The following CLBA1 variants were observed in gnomAD, a reference collection of about 807,000 sequenced individuals.
CLBA1 encodes uncharacterized protein CLBA1.
In CLBA1, 30 loss-of-function variants were observed where a neutral mutation model predicts 28.8. The ratio of observed to expected loss-of-function variants is 1.04; its 90% CI spans 0.78 to 1.41. The LOEUF (loss-of-function observed/expected upper bound fraction) is 1.41, where lower values mean the gene tolerates loss of function less well. Among genes scored for constraint, CLBA1 ranks in the 40% most tolerant of loss-of-function variants. The probability of loss-of-function intolerance (pLI) is 0.00; values close to 1 mark genes in which losing one functional copy is unlikely to be tolerated. For synonymous variants in CLBA1, 160 were observed against 152.8 expected (o/e 1.05, Z -0.35); for missense variants, 451 against 412.3 (o/e 1.09, Z -0.81).
chr14:104,996,926 C>G (rs2140901210), downstream of CLBA1, among the ~76,000 whole-genome samples: 1 of 152,364 alleles, frequency 6.6e-6, no homozygotes, highest in Non-Finnish European at 1.5e-5. Flanking sequence ...GCACGTGCCC[C>G]TCTGTGGAAC....
chr14:104,995,591 A>G, downstream of CLBA1: 1 of 817,668 alleles, frequency 1.2e-6, no homozygotes, highest in Non-Finnish European at 1.5e-6. Flanking sequence ...CTGAAGTCTT[A>G]AGCAAGCAGC....
Position 104,986,821 on chromosome 14 carries a change from G to A in CLBA1, c.390G>A (p.Trp130Ter), listed in dbSNP as rs772243701. The change falls in exon 1 of 5, where the codon TGG becomes TGA. Residue 130 changes from tryptophan to a stop codon, truncating the protein, a stop_gained. Transcript: ENST00000547315. LOFTEE classifies it high-confidence loss of function. ...ACCAACCATGCCAGGGTGGACCTTGGGTGACAGGAACTTCTGCCGTCCCAC... is the reference window on the plus strand; with the variant it reads ...ACCAACCATGCCAGGGTGGACCTTGAGTGACAGGAACTTCTGCCGTCCCAC... ...SSHQPCQGGP[W>*]VTGTSAVPPS... is the part of the protein sequence containing the mutation. The A allele has an allele frequency of 6.2e-7, 1 of 1,613,278 alleles. No individual in the cohort carries two copies.
Position 104,994,606 on chromosome 14 carries a change from G to A in CLBA1, c.825G>A (p.Gly275=), listed in dbSNP as rs1452466934. The change falls in exon 5 of 5, where the codon GGG becomes GGA. Residue 275 remains glycine (G), a synonymous_variant. Transcript: ENST00000547315. Reference sequence around the variant, plus strand: ...CTGTCCTCTCATCTCAGCTCTCGGGGCCGCCTGGCAGCAAACAGGGGAGGC... The same window carrying A: ...CTGTCCTCTCATCTCAGCTCTCGGGACCGCCTGGCAGCAAACAGGGGAGGC... ...CKALIQTKLS[G]PPGSKQGRLM... 2 of 1,607,792 alleles carry A rather than the reference G, an allele frequency of 1.2e-6. No individual in the cohort carries two copies.
downstream of CLBA1, among the ~76,000 whole-genome samples, chr14:104,997,188 T>G (rs1900170395): frequency 6.6e-6 from 1 of 152,068 alleles, no homozygotes; most frequent in South Asian, 2.1e-4. Context: ...GACACTTCAG[T>G]AAAAGACAGA....
downstream of CLBA1, among the ~76,000 whole-genome samples, chr14:104,996,771 C>G (rs921483653): frequency 5.3e-5 from 8 of 152,170 alleles, no homozygotes; most frequent in African/African-American, 1.9e-4. Flanking sequence ...TCACTGTGCT[C>G]AAAGCTCAGA....
chr14:104,990,002 C>T (rs1051619325), intron 2 of CLBA1: 4 of 250,540 alleles, frequency 1.6e-5, no homozygotes, highest in Non-Finnish European at 3.4e-5. Flanking sequence ...CAGAAGGCCG[C>T]AACCAGCATT....
chr14:105,000,190 T>C (rs1428497875), downstream of CLBA1, among the ~76,000 whole-genome samples: 1 of 152,076 alleles, frequency 6.6e-6, no homozygotes, highest in African/African-American at 2.4e-5. Flanking sequence ...ATATCCAAAA[T>C]ACATAAGGAA....
chr14:105,000,022 A>G (rs962300498), downstream of CLBA1, among the ~76,000 whole-genome samples: 3 of 152,244 alleles, frequency 2.0e-5, no homozygotes, highest in Non-Finnish European at 4.4e-5. Context: ...TGTGATGTGC[A>G]GCTCTCGCAT....
At chr14:104,995,630 GC>G, downstream of CLBA1, 2 of 377,080 alleles carry the variant, frequency 5.3e-6, no homozygotes, top group Non-Finnish European at 7.3e-6. Flanking sequence ...TCCTGCCAAG[GC>G]CACACAGGGG....
Position 104,986,200 on chromosome 14 carries a change from G to T in CLBA1, c.-232G>T. 1 of 579,560 alleles carries T rather than the reference G, an allele frequency of 1.7e-6. No individual in the cohort carries two copies. Among genetic ancestry groups the T allele is most frequent in the Non-Finnish European group, 3.1e-6 (1 of 325,072 alleles). 35.9% of individuals were successfully genotyped at this position (579,560 alleles called of 1,614,324 possible). A position where few individuals can be genotyped will look rare whatever the true frequency, so the allele number is the denominator to read the frequency against. On this transcript the variant is annotated 5_prime_UTR_variant, in exon 1 of 5. In the 5' UTR this introduces an upstream ATG that the reference lacks. Coordinates refer to ENST00000547315, the MANE Select transcript of CLBA1 (RefSeq NM_174891.4). ...GGACTCCGCGCCCGCCTGCGTGGGA[G>T]GAAGCCAGGACTCCCGGGCGACCGG...
At position 104,995,178 on chromosome 14, in the gene CLBA1, A is replaced by C. The variant is rs1472355833; in HGVS notation, c.*419A>C. 5 of 989,028 alleles carry C rather than the reference A, an allele frequency of 5.1e-6. No homozygotes were observed. The highest frequency in any genetic ancestry group is 4.8e-6 in the Non-Finnish European group (4 of 832,586). The allele number at this position is 989,028 out of a possible 1,614,324, so 61.3% of individuals were successfully genotyped here. A position where few individuals can be genotyped will look rare whatever the true frequency, so the allele number is the denominator to read the frequency against. On this transcript the variant is annotated 3_prime_UTR_variant, in exon 5 of 5. Transcript: ENST00000547315. ...GGAAGGCACTGAAACGTCACCAGAG[A>C]GACAGCTGTTGAGACCGCTCAGAAA...
chr14:104,986,530 T>C lies in CLBA1; in HGVS notation c.99T>C (p.Asp33=). ...SLRVAPERLS[D]DSLEWRRTCP... ...GAGTGGCACCTGAGAGGCTGAGTGATGACAGTTTGGAATGGAGACGGACCT... is the reference window on the plus strand; with the variant it reads ...GAGTGGCACCTGAGAGGCTGAGTGACGACAGTTTGGAATGGAGACGGACCT... Residue 33 remains aspartate (D), a synonymous_variant, in exon 1 of 5, where the codon GAT becomes GAC. Coordinates refer to ENST00000547315, the MANE Select transcript of CLBA1 (RefSeq NM_174891.4). The C allele has an allele frequency of 6.2e-7, 1 of 1,613,856 alleles. No individual in the cohort carries two copies. Among genetic ancestry groups the C allele is most frequent in the Non-Finnish European group, 8.5e-7 (1 of 1,180,000 alleles).
At chr14:105,000,046 A>G (rs1303388736), downstream of CLBA1, among the ~76,000 whole-genome samples, 1 of 152,200 alleles carries the variant, frequency 6.6e-6, no homozygotes, top group Non-Finnish European at 1.5e-5. Flanking sequence ...TCCTGATTCA[A>G]ACAAACCAAA....
At chr14:104,987,147 C>T (rs1028966800) in intron 1 of CLBA1, among the ~76,000 whole-genome samples, 1 of 152,256 alleles carries the variant, frequency 6.6e-6, no homozygotes, top group Non-Finnish European at 1.5e-5. Flanking sequence ...GTCCATTCCC[C>T]ATTGGTGGGG....
chr14:104,992,071 C>T (rs1900044794), intron 3 of CLBA1, among the ~76,000 whole-genome samples: 1 of 148,420 alleles, frequency 6.7e-6, no homozygotes, highest in Non-Finnish European at 1.5e-5. Flanking sequence ...CCGCCACGCA[C>T]ACCCCGCCAC....
rs188305321 is a variant in CLBA1 at position 104,986,375 on chromosome 14, C to A, written c.-57C>A. On this transcript the variant is annotated 5_prime_UTR_variant, in exon 1 of 5. Transcript: ENST00000547315. ...CAGTCCTGGGCGGCCAGCACCCCGG[C>A]GTGCATGTCTCCTGAGCAGCTGCCC... 1,579 of 1,557,892 alleles carry A rather than the reference C, an allele frequency of 1.0e-3. No individual in the cohort carries two copies. Among genetic ancestry groups the A allele is most frequent in the Non-Finnish European group, 1.3e-3 (1,445 of 1,151,460 alleles).
Position 104,994,783 on chromosome 14 carries a change from A to T in CLBA1, c.*24A>T, listed in dbSNP as rs746271557. The T allele has an allele frequency of 6.3e-7, 1 of 1,577,012 alleles. No individual in the cohort carries two copies. Among genetic ancestry groups the T allele is most frequent in the East Asian group, 2.3e-5 (1 of 44,128 alleles). On this transcript the variant is annotated 3_prime_UTR_variant, in exon 5 of 5. Coordinates refer to ENST00000547315, the MANE Select transcript of CLBA1 (RefSeq NM_174891.4). ...AAAATCAGGAGGACTTTGTACCTTTATGAGGAATTTTTCATTTTCTTCCTG... is the reference window on the plus strand; with the variant it reads ...AAAATCAGGAGGACTTTGTACCTTTTTGAGGAATTTTTCATTTTCTTCCTG...
At chr14:104,993,581 C>T (rs1432828046) in intron 4 of CLBA1, 2 of 985,354 alleles carry the variant, frequency 2.0e-6, no homozygotes, top group Middle Eastern at 5.2e-4. Context: ...CAGCCGGGCT[C>T]AAGGCAGAAG....
At position 104,993,549 on chromosome 14, in the gene CLBA1, G is replaced by A. The variant is rs569603646; in HGVS notation, c.816+485G>A. 7.1e-6 allele frequency: 7 copies of A among 985,412 alleles called. No homozygotes were observed. The African/African-American group carries it at 1.2e-4, about 17-fold the overall frequency. 61.0% of individuals were successfully genotyped at this position (985,412 alleles called of 1,614,324 possible). A position where few individuals can be genotyped will look rare whatever the true frequency, so the allele number is the denominator to read the frequency against. ...CTCATGAGCCGCGGTTCTTGCCACA[G>A]AGTCACTTCATCACATCATCACAGC... On this transcript the variant is annotated intron_variant, in intron 4 of 4. Transcript: ENST00000547315.
Sources: allele counts gnomAD v4.1 joint callset (sites outside exome capture counted in the v4.1 genomes callset), GRCh38; gene constraint gnomAD v4.1.1; transcripts MANE v1.5; gene names NCBI Gene and HGNC (gene_info 2026-07-23, HGNC 2026-07-21).